The following FHOD3 variants were observed in gnomAD, a reference collection of about 807,000 sequenced individuals.
FHOD3 encodes FH1/FH2 domain-containing protein 3.
In FHOD3, 90 loss-of-function variants were observed where a neutral mutation model predicts 173.0. The ratio of observed to expected loss-of-function variants is 0.52; its 90% CI spans 0.44 to 0.62. FHOD3 has a LOEUF of 0.62. FHOD3 is among the 20% of genes least tolerant of loss of function. The pLI, the probability that FHOD3 is intolerant of heterozygous loss-of-function variation, is 0.00. For synonymous variants in FHOD3, 828 were observed against 823.0 expected (o/e 1.01, Z -0.10); for missense variants, 1,945 against 2,034.7 (o/e 0.96, Z 0.85).
chr18:36,646,705 A>T (rs2035709055), intron 10 of FHOD3, among the ~76,000 whole-genome samples: 1 of 152,218 alleles, frequency 6.6e-6, no homozygotes, highest in African/African-American at 2.4e-5. Context: ...GGACTCTACA[A>T]ATGTAAATCT....
chr18:36,407,522 T>C (rs1197372379), intron 3 of FHOD3, among the ~76,000 whole-genome samples: 1 of 152,170 alleles, frequency 6.6e-6, no homozygotes, highest in Non-Finnish European at 1.5e-5. Context: ...GCAAAATAGG[T>C]GTCATCACTC....
At chr18:36,669,276 TA>T (rs536288707) in intron 14 of FHOD3, among the ~76,000 whole-genome samples, 11 of 151,642 alleles carry the variant, frequency 7.3e-5, no homozygotes, top group Middle Eastern at 3.4e-3. Context: ...GCCTCAGCTT[TA>T]AAAAAAATAG....
At chr18:36,298,396 C>T (rs55706389) in intron 1 of FHOD3, among the ~76,000 whole-genome samples, 45,216 of 152,062 alleles carry the variant, frequency 0.3, 7,977 homozygotes, top group Non-Finnish European at 0.4. Context: ...AGCGGAGCGC[C>T]GCGAGACTCA....
chr18:36,462,288 C>T (rs7236095), intron 3 of FHOD3, among the ~76,000 whole-genome samples: 16,993 of 149,746 alleles, frequency 0.11, 1,291 homozygotes, highest in South Asian at 0.26. Flanking sequence ...TCAGTTCTCT[C>T]GTGTGTGTGT....
At chr18:36,664,777 T>TGAGAGAGAGAGAGAGA (rs373836211) in intron 14 of FHOD3, among the ~76,000 whole-genome samples, 375 of 129,532 alleles carry the variant, frequency 2.9e-3, no homozygotes, top group African/African-American at 4.1e-3. Flanking sequence ...TGTGTGTATG[T>TGAGAGAGAGAGAGAGA]GAGAGAGAGA....
chr18:36,574,888 T>G (rs1386443727), intron 5 of FHOD3, among the ~76,000 whole-genome samples: 3 of 152,126 alleles, frequency 2.0e-5, no homozygotes, highest in Non-Finnish European at 4.4e-5. Context: ...TATGTCCAAA[T>G]AATTTTTAAA....
intron 27 of FHOD3, among the ~76,000 whole-genome samples, chr18:36,763,228 TACA>T (rs1177971986): frequency 2.0e-4 from 30 of 147,124 alleles, no homozygotes; most frequent in African/African-American, 7.2e-4. Context: ...ATACGTTATA[TACA>T]ATATGCGTAT....
intron 10 of FHOD3, among the ~76,000 whole-genome samples, chr18:36,630,524 T>A (rs556469045): frequency 1.3e-5 from 2 of 152,330 alleles, no homozygotes; most frequent in Admixed American, 1.3e-4. Context: ...ATCGGCTTCA[T>A]ACACATCCAT....
intron 1 of FHOD3, among the ~76,000 whole-genome samples, chr18:36,306,845 AT>A (rs1387920033): frequency 1.5e-4 from 23 of 152,200 alleles, no homozygotes; most frequent in Non-Finnish European, 1.5e-5. Flanking sequence ...CATCCCAGCC[AT>A]TTCCTTGCAG....
At chr18:36,570,881 A>G (rs1226256090) in intron 5 of FHOD3, among the ~76,000 whole-genome samples, 1 of 152,138 alleles carries the variant, frequency 6.6e-6, no homozygotes, top group Non-Finnish European at 1.5e-5. Flanking sequence ...TTGATAAAAG[A>G]CAATTTACAA....
At chr18:36,671,852 G>A (rs1016718) in intron 14 of FHOD3, among the ~76,000 whole-genome samples, 3,473 of 152,248 alleles carry the variant, frequency 0.023, 53 homozygotes, top group Non-Finnish European at 0.037. Flanking sequence ...GGAGTAAGCC[G>A]TGCCAGAAAC....
At chr18:36,625,839 CCA>C in intron 10 of FHOD3, 90 bp downstream of exon 10, 2 of 1,105,146 alleles carry the variant, frequency 1.8e-6, no homozygotes, top group Non-Finnish European at 2.5e-6. Flanking sequence ...TCCCTGCTGG[CCA>C]CTTTGTCCCC....
chr18:36,530,976 G>T (rs1360500674), intron 5 of FHOD3, among the ~76,000 whole-genome samples: 3 of 152,148 alleles, frequency 2.0e-5, no homozygotes, highest in East Asian at 1.9e-4. Context: ...TATTTCCACT[G>T]GTCCCCAAGG....
intron 1 of FHOD3, among the ~76,000 whole-genome samples, chr18:36,324,179 T>C (rs1296111167): frequency 6.6e-6 from 1 of 152,214 alleles, no homozygotes; most frequent in Non-Finnish European, 1.5e-5. Context: ...GATATCCACA[T>C]GGAAATAAAT....
At chr18:36,372,363 T>G (rs2047232818) in intron 2 of FHOD3, among the ~76,000 whole-genome samples, 1 of 152,222 alleles carries the variant, frequency 6.6e-6, no homozygotes, top group East Asian at 1.9e-4. Context: ...GGAATTTCAC[T>G]TCATGGACAC....
chr18:36,772,639 C>T (rs1011352924), intron 28 of FHOD3, among the ~76,000 whole-genome samples: 3 of 152,212 alleles, frequency 2.0e-5, no homozygotes, highest in African/African-American at 7.2e-5. Context: ...CCACACATGC[C>T]GAACGTCCCA....
intron 1 of FHOD3, among the ~76,000 whole-genome samples, chr18:36,313,277 T>A (rs1258458434): frequency 6.6e-6 from 1 of 152,198 alleles, no homozygotes; most frequent in Admixed American, 6.5e-5. Flanking sequence ...GCCAAAGAAT[T>A]TGTGAACTTA....
At chr18:36,417,092 G>C (rs980226129) in intron 3 of FHOD3, among the ~76,000 whole-genome samples, 1 of 152,200 alleles carries the variant, frequency 6.6e-6, no homozygotes, top group Admixed American at 6.5e-5. Context: ...TAAGTTCAGG[G>C]AGTACGTGTG....
Position 36,744,186 on chromosome 18 carries a change from C to A in FHOD3, c.4034C>A (p.Ser1345Ter). The part of the protein sequence containing the change: ...LYSEIGAITR[S>*]AKVDFDQLQD... ...TCGGAGATCGGGGCCATCACCAGGT[C>A]AGCCAAGGTATGTCTGTGGACGCTG... Residue 1345 changes from serine (S) to a stop codon, truncating the protein, a stop_gained, in exon 23 of 29, where the codon TCA becomes TAA. Transcript: ENST00000590592. LOFTEE classifies it high-confidence loss of function. The A allele has an allele frequency of 6.2e-7, 1 of 1,613,488 alleles. No homozygotes were observed. The highest frequency in any genetic ancestry group is 1.1e-5 in the South Asian group (1 of 90,980).
Sources: allele counts gnomAD v4.1 joint callset (sites outside exome capture counted in the v4.1 genomes callset), GRCh38; gene constraint gnomAD v4.1.1; transcripts MANE v1.5; gene names NCBI Gene and HGNC (gene_info 2026-07-23, HGNC 2026-07-21).